GRAMD2B: variants seen among roughly 807,000 people sequenced by gnomAD.
The protein encoded by GRAMD2B is GRAM domain-containing protein 2B.
A neutral mutation model predicts 59.2 loss-of-function variants in GRAMD2B; 41 were observed. The observed-to-expected ratio is 0.69, with a 90% CI of 0.54 to 0.90. GRAMD2B has a LOEUF of 0.90. Among genes scored for constraint, GRAMD2B ranks in the 40% least tolerant of loss-of-function variants. The pLI is 0.00. For synonymous variants in GRAMD2B, 161 were observed against 182.7 expected, an observed-to-expected ratio of 0.88 and a Z score of 0.96; for missense variants, 424 against 500.5, an observed-to-expected ratio of 0.85 and a Z score of 1.46.
chr5:126,423,334 T>G, upstream of GRAMD2B: 1 of 1,295,942 alleles, frequency 7.7e-7, no homozygotes. Context: ...GCCTCCTGGG[T>G]TGGGGAAAGA....
At chr5:126,371,508 G>A in exon 1 of GRAMD2B, 1 of 1,289,292 alleles carries the variant, frequency 7.8e-7, no homozygotes, top group Non-Finnish European at 1.0e-6. Flanking sequence ...GCAGCCCAAG[G>A]AAGGCCAACG....
intron 1 of GRAMD2B, among the ~76,000 whole-genome samples, chr5:126,407,297 T>A (rs1259791788): frequency 1.3e-5 from 2 of 151,964 alleles, no homozygotes; most frequent in Non-Finnish European, 2.9e-5. Context: ...CAGGGACATG[T>A]GTTAAGATTG....
intron 2 of GRAMD2B, among the ~76,000 whole-genome samples, chr5:126,468,159 A>G (rs1768815335): frequency 6.6e-6 from 1 of 152,252 alleles, no homozygotes; most frequent in African/African-American, 2.4e-5. Context: ...TCATCTATGC[A>G]TTCTACTTTG....
chr5:126,374,580 ATTTG>A (rs1214424518), intron 1 of GRAMD2B, among the ~76,000 whole-genome samples: 1 of 152,098 alleles, frequency 6.6e-6, no homozygotes, highest in East Asian at 1.9e-4. Flanking sequence ...TTTCTTTATG[ATTTG>A]TTTATGACTT....
chr5:126,370,614 A>G (rs542134339), upstream of GRAMD2B, among the ~76,000 whole-genome samples: 20 of 152,340 alleles, frequency 1.3e-4, no homozygotes, highest in Middle Eastern at 3.4e-3. Flanking sequence ...ATGACACATA[A>G]TTGCAAATCT....
upstream of GRAMD2B, among the ~76,000 whole-genome samples, chr5:126,368,394 C>T (rs1254435305): frequency 6.6e-6 from 1 of 152,230 alleles, no homozygotes; most frequent in Non-Finnish European, 1.5e-5. Flanking sequence ...TCAGAATTCA[C>T]ATTTTCTTTC....
chr5:126,408,833 TC>T (rs1349275893), intron 1 of GRAMD2B, among the ~76,000 whole-genome samples: 1 of 88,220 alleles, frequency 1.1e-5, no homozygotes, highest in African/African-American at 4.5e-5. Flanking sequence ...ATGCTATCCC[TC>T]CCCCCTCCCC....
At chr5:126,399,069 G>A (rs1407030779) in intron 1 of GRAMD2B, among the ~76,000 whole-genome samples, 1 of 152,096 alleles carries the variant, frequency 6.6e-6, no homozygotes, top group Admixed American at 6.6e-5. Flanking sequence ...GAGTATTCTG[G>A]TACTGTTGAG....
At chr5:126,375,156 AC>A (rs1414849072) in intron 1 of GRAMD2B, among the ~76,000 whole-genome samples, 1 of 152,106 alleles carries the variant, frequency 6.6e-6, no homozygotes, top group African/African-American at 2.4e-5. Flanking sequence ...GATATTTTAC[AC>A]CTTTGTTGTT....
In GRAMD2B at chr5:126,465,482, C is replaced by T. The variant is rs1173379391; in HGVS notation, c.140C>T (p.Ala47Val). ...AAGAAAGCCTGCAGGTCGCCAACAG[C>T]CCAATCCCCTACCCCATCTGTGGAG... Reference protein sequence around the residue: ...EKKKACRSPTAQSPTPSVEAD... With the variant: ...EKKKACRSPTVQSPTPSVEAD... Residue 47 changes from alanine (A) to valine (V), a missense_variant, in exon 2 of 14, where the codon GCC (alanine) becomes GTC (valine). Ala to Val is a moderately conservative substitution (Grantham distance 64, BLOSUM62 0). Transcript: ENST00000285689. 8 of 1,614,126 alleles carry T rather than the reference C, an allele frequency of 5.0e-6. No homozygotes were observed. The highest frequency in any genetic ancestry group is 6.8e-6 in the Non-Finnish European group (8 of 1,180,020).
At chr5:126,385,966 G>A (rs1274480976) in intron 1 of GRAMD2B, among the ~76,000 whole-genome samples, 1 of 152,112 alleles carries the variant, frequency 6.6e-6, no homozygotes, top group African/African-American at 2.4e-5. Context: ...AAGAACACTG[G>A]GTCTCTGGAG....
intron 1 of GRAMD2B, among the ~76,000 whole-genome samples, chr5:126,389,065 A>G (rs1000429085): frequency 2.6e-5 from 4 of 152,214 alleles, no homozygotes; most frequent in Admixed American, 6.5e-5. Context: ...TCTTATTTGC[A>G]TGGAGAAGTA....
At chr5:126,426,381 A>C (rs1413819680) in intron 1 of GRAMD2B, among the ~76,000 whole-genome samples, 2 of 151,918 alleles carry the variant, frequency 1.3e-5, no homozygotes, top group Non-Finnish European at 2.9e-5. Flanking sequence ...GGCCATACTC[A>C]TCTCTTCTTT....
chr5:126,483,006 C>T (rs4526101), intron 8 of GRAMD2B, among the ~76,000 whole-genome samples: 89,416 of 152,088 alleles, frequency 0.59, 26,952 homozygotes, highest in Middle Eastern at 0.68. Flanking sequence ...GCTAAAGCCA[C>T]TTTTCCTTTT....
intron 1 of GRAMD2B, among the ~76,000 whole-genome samples, chr5:126,403,562 C>A (rs1193024607): frequency 2.0e-5 from 3 of 151,784 alleles, no homozygotes; most frequent in Non-Finnish European, 4.4e-5. Context: ...GAAAATGAAC[C>A]ATCCTTTACA....
At chr5:126,478,381 T>C (rs1425483465) in intron 6 of GRAMD2B, among the ~76,000 whole-genome samples, 1 of 152,076 alleles carries the variant, frequency 6.6e-6, no homozygotes, top group Non-Finnish European at 1.5e-5. Context: ...AAGGCTGCAG[T>C]GAGCCATGAT....
At position 126,378,246 on chromosome 5, in the gene GRAMD2B, A is replaced by G. The variant is rs184051283; in HGVS notation, c.125+6679A>G. On this transcript the variant is annotated intron_variant, in intron 1 of 8. Coordinates refer to the GRAMD2B transcript ENST00000506445. ...TTTTCTAGAGAAAAAAAACTAAACC[A>G]CCTTCTTTTCTGTTTACTGAAAATA... 1.3e-3 allele frequency among the ~76,000 whole-genome samples: 201 copies of G among 152,314 alleles called. 4 individuals are homozygous for G. Among genetic ancestry groups the G allele is most frequent in the Admixed American group, 0.011 (175 of 15,304 alleles).
chr5:126,452,699 C>T (rs1227799705), intron 1 of GRAMD2B, among the ~76,000 whole-genome samples: 1 of 152,140 alleles, frequency 6.6e-6, no homozygotes, highest in East Asian at 1.9e-4. Flanking sequence ...TCAGTTCTTT[C>T]CTTTCTCCTC....
chr5:126,460,743 C>A (rs1767199056), intron 1 of GRAMD2B, among the ~76,000 whole-genome samples: 1 of 152,186 alleles, frequency 6.6e-6, no homozygotes. Context: ...GGCCCCAGAT[C>A]TTGGTGAATC....
Sources: gnomAD v4.1 joint callset for allele counts (sites outside exome capture counted in the v4.1 genomes callset) on GRCh38, gnomAD v4.1.1 for gene constraint, MANE v1.5 for transcripts, NCBI Gene and HGNC (gene_info 2026-07-23, HGNC 2026-07-21) for gene names.